The following POFUT3 variants were observed in gnomAD, a reference collection of about 807,000 sequenced individuals.
POFUT3 encodes GDP-fucose protein O-fucosyltransferase 3.
chr8:33,404,594 A>G, the POFUT3 span, among the ~76,000 whole-genome samples: 1 of 152,310 alleles, frequency 6.6e-6, no homozygotes, highest in East Asian at 1.9e-4. Flanking sequence ...CTAATTTAAT[A>G]AATAAATGCC....
chr8:33,381,373 G>C, the POFUT3 span, among the ~76,000 whole-genome samples: 1 of 152,012 alleles, frequency 6.6e-6, no homozygotes, highest in Non-Finnish European at 1.5e-5. Context: ...AACTTAAAAA[G>C]AAATCCAAAC....
the POFUT3 span, among the ~76,000 whole-genome samples, chr8:33,395,777 C>CA: frequency 6.6e-6 from 1 of 152,126 alleles, no homozygotes; most frequent in East Asian, 1.9e-4. Flanking sequence ...TAGACACTGC[C>CA]GTGGGCTGGT....
At chr8:33,351,785 TAC>T in the POFUT3 span, among the ~76,000 whole-genome samples, 43 of 152,064 alleles carry the variant, frequency 2.8e-4, no homozygotes, top group Admixed American at 1.3e-4. Flanking sequence ...TGAGAAACAT[TAC>T]AGAGTGAGAT....
At chr8:33,418,320 A>G in the POFUT3 span, among the ~76,000 whole-genome samples, 2 of 152,028 alleles carry the variant, frequency 1.3e-5, no homozygotes, top group African/African-American at 4.8e-5. Flanking sequence ...TCAAAACCAC[A>G]ATGTGTATCA....
At chr8:33,335,146 AATAT>A in the POFUT3 span, among the ~76,000 whole-genome samples, 2 of 115,430 alleles carry the variant, frequency 1.7e-5, no homozygotes, top group South Asian at 8.1e-4. Flanking sequence ...AGGAAAAAGA[AATAT>A]ATGTGTGTGT....
the POFUT3 span, among the ~76,000 whole-genome samples, chr8:33,409,820 G>A: frequency 6.6e-6 from 1 of 152,210 alleles, no homozygotes; most frequent in Admixed American, 6.5e-5. Context: ...CAGGAGAATG[G>A]CGTGAACCCA....
chr8:33,437,427 AC>A, the POFUT3 span, among the ~76,000 whole-genome samples: 1 of 151,768 alleles, frequency 6.6e-6, no homozygotes, highest in Non-Finnish European at 1.5e-5. Flanking sequence ...CTTTCAAGAC[AC>A]TTTTATTGGA....
chr8:33,457,390 G>C, the POFUT3 span, among the ~76,000 whole-genome samples: 2 of 152,118 alleles, frequency 1.3e-5, no homozygotes, highest in African/African-American at 4.8e-5. Flanking sequence ...CAGCTACTTG[G>C]GAGGATGAGG....
At chr8:33,437,828 A>AT in the POFUT3 span, among the ~76,000 whole-genome samples, 1 of 152,112 alleles carries the variant, frequency 6.6e-6, no homozygotes, top group African/African-American at 2.4e-5. Context: ...GAAAAAAAAA[A>AT]GGAGTCTAAG....
chr8:33,443,541 G>A, the POFUT3 span, among the ~76,000 whole-genome samples: 2 of 152,168 alleles, frequency 1.3e-5, no homozygotes, highest in African/African-American at 4.8e-5. Context: ...CACCCAGGCT[G>A]GAGTGTAGTG....
the POFUT3 span, chr8:33,455,666 A>G: frequency 5.1e-5 from 18 of 352,862 alleles, no homozygotes; most frequent in South Asian, 4.0e-4. Context: ...CAGTTAAAGT[A>G]AGGCACATTT....
the POFUT3 span, among the ~76,000 whole-genome samples, chr8:33,358,923 C>A: frequency 1.3e-5 from 2 of 152,052 alleles, no homozygotes; most frequent in Admixed American, 1.3e-4. Flanking sequence ...TGTTTATGAA[C>A]CAGGAAGCAG....
At chr8:33,418,505 G>A in the POFUT3 span, among the ~76,000 whole-genome samples, 26 of 148,588 alleles carry the variant, frequency 1.7e-4, no homozygotes, top group Admixed American at 4.1e-4. Context: ...GTTTCACCAC[G>A]TTGGCTGGGC....
At chr8:33,365,148 A>G in the POFUT3 span, among the ~76,000 whole-genome samples, 1 of 152,252 alleles carries the variant, frequency 6.6e-6, no homozygotes, top group South Asian at 2.1e-4. Context: ...GACAAAAACA[A>G]GAAATGGGGA....
chr8:33,471,049 T>G, the POFUT3 span, among the ~76,000 whole-genome samples: 1 of 152,110 alleles, frequency 6.6e-6, no homozygotes, highest in Non-Finnish European at 1.5e-5. Context: ...AACTCCAATT[T>G]CATTATCAAA....
the POFUT3 span, among the ~76,000 whole-genome samples, chr8:33,380,040 GATATATATA>G: frequency 1.7e-5 from 1 of 59,398 alleles, no homozygotes; most frequent in Non-Finnish European, 2.6e-5. Flanking sequence ...ATATATATAC[GATATATATA>G]CACTATATAT....
the POFUT3 span, among the ~76,000 whole-genome samples, chr8:33,319,996 G>A: frequency 3.3e-5 from 5 of 150,966 alleles, no homozygotes; most frequent in African/African-American, 4.9e-5. Flanking sequence ...GCCAGACACT[G>A]GAATAGACTA....
chr8:33,444,689 G>A, the POFUT3 span, among the ~76,000 whole-genome samples: 1 of 151,894 alleles, frequency 6.6e-6, no homozygotes, highest in Non-Finnish European at 1.5e-5. Flanking sequence ...GTGGTGGCGT[G>A]TGCCTGTAAT....
chr8:33,462,981 C>G, the POFUT3 span, among the ~76,000 whole-genome samples: 7 of 151,870 alleles, frequency 4.6e-5, no homozygotes, highest in African/African-American at 1.7e-4. Context: ...CCCTTTATCC[C>G]TATGATATTC....
Sources: gnomAD v4.1 joint callset for allele counts (sites outside exome capture counted in the v4.1 genomes callset) on GRCh38, gnomAD v4.1.1 for gene constraint, MANE v1.5 for transcripts, NCBI Gene and HGNC (gene_info 2026-07-23, HGNC 2026-07-21) for gene names.